VDAC2: variants seen among roughly 807,000 people sequenced by gnomAD.
The protein encoded by VDAC2 is non-selective voltage-gated ion channel VDAC2.
A neutral mutation model predicts 36.6 loss-of-function variants in VDAC2; 6 were observed. The observed-to-expected ratio is 0.16, with a 90% confidence interval of 0.09 to 0.32. VDAC2 has a LOEUF of 0.32. VDAC2 is among the 10% of genes least tolerant of loss of function. The probability of loss-of-function intolerance (pLI) is 1.00; values close to 1 mark genes in which losing one functional copy is unlikely to be tolerated. For missense variants in VDAC2, 247 were observed against 346.0 expected (o/e 0.71, Z 2.27); for synonymous variants, 109 against 123.8 (o/e 0.88, Z 0.79).
At chr10:75,221,123 G>A (rs1299589370) in intron 7 of VDAC2, 153 bp downstream of exon 7, 1 of 728,086 alleles carries the variant, frequency 1.4e-6, no homozygotes, top group African/African-American at 1.8e-5. Flanking sequence ...CCCCTTGAAA[G>A]TTTATAGTAG....
intron 2 of VDAC2, chr10:75,211,754 C>A: frequency 1.4e-6 from 2 of 1,440,082 alleles, no homozygotes; most frequent in Non-Finnish European, 1.9e-6. Context: ...ATTTAAATTC[C>A]CAGTATTAAA....
chr10:75,210,794 G>A (rs1841383314), upstream of VDAC2: 2 of 205,502 alleles, frequency 9.7e-6, no homozygotes, highest in African/African-American at 2.3e-5. Flanking sequence ...GTCCTGTCTG[G>A]GAGAGGACAG....
Position 75,211,118 on chromosome 10 carries a change from C to A in VDAC2, c.-25-16C>A. 6.2e-7 allele frequency: 1 copy of A among 1,602,804 alleles called. No homozygotes were observed. The highest frequency in any genetic ancestry group is 1.1e-5 in the South Asian group (1 of 89,324). Reference sequence around the variant, plus strand: ...CCTTTGACCCCAGCTTACCGCACTTCTTGTCCCTCCCGCAGATTCCCCTCT... The same window carrying A: ...CCTTTGACCCCAGCTTACCGCACTTATTGTCCCTCCCGCAGATTCCCCTCT... On this transcript the variant is annotated splice_polypyrimidine_tract_variant and intron_variant, in intron 1 of 9. Coordinates refer to ENST00000332211, the MANE Select transcript of VDAC2 (RefSeq NM_001391963.1).
At chr10:75,225,077 C>T (rs2132276367) in intron 8 of VDAC2, among the ~76,000 whole-genome samples, 1 of 152,260 alleles carries the variant, frequency 6.6e-6, no homozygotes, top group East Asian at 1.9e-4. Context: ...TCTTATAATA[C>T]TGATTGATGA....
chr10:75,230,349 T>C (rs1351575524), intron 9 of VDAC2, among the ~76,000 whole-genome samples: 1 of 152,222 alleles, frequency 6.6e-6, no homozygotes, highest in Non-Finnish European at 1.5e-5. Context: ...ATTATTAACA[T>C]TTACTACATT....
chr10:75,227,886 C>A (rs113506165), intron 8 of VDAC2, among the ~76,000 whole-genome samples: 11,242 of 147,516 alleles, frequency 0.076, 579 homozygotes, highest in African/African-American at 0.14. Context: ...ATGGGAATTT[C>A]TTTCTTTCTT....
intron 8 of VDAC2, among the ~76,000 whole-genome samples, chr10:75,223,449 C>T (rs1176264224): frequency 1.3e-5 from 2 of 152,138 alleles, no homozygotes; most frequent in African/African-American, 4.8e-5. Context: ...AATGGGAAGG[C>T]AGCTTGGGAC....
At chr10:75,215,195 T>G (rs1002682993) in intron 4 of VDAC2, among the ~76,000 whole-genome samples, 1 of 152,320 alleles carries the variant, frequency 6.6e-6, no homozygotes, top group Non-Finnish European at 1.5e-5. Flanking sequence ...ATTACAGATG[T>G]GAGCCACCAT....
At chr10:75,228,553 C>A (rs778660592) in intron 8 of VDAC2, among the ~76,000 whole-genome samples, 1 of 152,202 alleles carries the variant, frequency 6.6e-6, no homozygotes, top group Non-Finnish European at 1.5e-5. Context: ...CTGCGCCAGG[C>A]CTGTTTTTTT....
intron 6 of VDAC2, among the ~76,000 whole-genome samples, chr10:75,219,657 G>T (rs538987418): frequency 1.3e-5 from 2 of 151,264 alleles, no homozygotes; most frequent in Non-Finnish European, 2.9e-5. Context: ...GCTAATTTTT[G>T]TATTTTTAGT....
chr10:75,211,608 T>C (rs1222733789), intron 2 of VDAC2: 1 of 1,550,590 alleles, frequency 6.4e-7, no homozygotes, highest in Non-Finnish European at 8.7e-7. Context: ...TGAGCTCAGA[T>C]TGCCTGCCCT....
In VDAC2 at chr10:75,213,369, C is replaced by T. The variant is rs533674600; in HGVS notation, c.101-652C>T. On this transcript the variant is annotated intron_variant, in intron 3 of 9. Coordinates refer to ENST00000332211, the MANE Select transcript of VDAC2 (RefSeq NM_001391963.1). ...TGCTAGGATTTCAGGCGTGGGCCAC[C>T]GCACCTGGCCATATCATGATAAGTT... Among the ~76,000 whole-genome samples, 7 of 152,222 alleles carry T rather than the reference C, an allele frequency of 4.6e-5. No individual in the cohort carries two copies. The East Asian group carries it at 5.8e-4, about 13-fold the overall frequency.
chr10:75,218,180 A>G (rs1841665342), intron 4 of VDAC2: 1 of 340,780 alleles, frequency 2.9e-6, no homozygotes, highest in South Asian at 2.2e-5. Context: ...ATTTTTAGAC[A>G]GGGTCTCACT....
chr10:75,213,464 G>A (rs939931482), intron 3 of VDAC2, among the ~76,000 whole-genome samples: 2 of 152,148 alleles, frequency 1.3e-5, no homozygotes, highest in African/African-American at 4.8e-5. Context: ...TAGTTTGGGG[G>A]CTGGGCGTGG....
chr10:75,223,987 A>G (rs1236893187), intron 8 of VDAC2, among the ~76,000 whole-genome samples: 4 of 152,224 alleles, frequency 2.6e-5, no homozygotes, highest in African/African-American at 9.6e-5. Flanking sequence ...CCTTTGTAAT[A>G]TCCTTTATTA....
Position 75,211,147 on chromosome 10 carries a change from C to T in VDAC2, c.-12C>T, listed in dbSNP as rs763028522. 3 of 1,611,634 alleles carry T rather than the reference C, an allele frequency of 1.9e-6. No individual in the cohort carries two copies. Among genetic ancestry groups the T allele is most frequent in the Non-Finnish European group, 1.7e-6 (2 of 1,178,906 alleles). ...TCCCTCCCGCAGATTCCCCTCTTCCCGCGGCCTCGCCATGGCGACCCACGG... is the reference window on the plus strand; with the variant it reads ...TCCCTCCCGCAGATTCCCCTCTTCCTGCGGCCTCGCCATGGCGACCCACGG... On this transcript the variant is annotated 5_prime_UTR_variant, in exon 2 of 10. Transcript: ENST00000332211.
intron 2 of VDAC2, 105 bp downstream of exon 2, chr10:75,211,294 C>G: frequency 6.6e-7 from 1 of 1,506,004 alleles, no homozygotes; most frequent in East Asian, 2.4e-5. Flanking sequence ...CTTGGAAATT[C>G]GGCTGCTTTT....
chr10:75,217,834 G>T, intron 4 of VDAC2: 1 of 1,089,824 alleles, frequency 9.2e-7, no homozygotes, highest in Non-Finnish European at 1.2e-6. Context: ...CTGAGAGAAG[G>T]TTGACTGGCC....
chr10:75,230,834 C>G (rs1842079702), intron 9 of VDAC2, 64 bp from the exon 10 acceptor site: 3 of 1,434,118 alleles, frequency 2.1e-6, no homozygotes, highest in Non-Finnish European at 2.9e-6. Context: ...GAAAGAAGGC[C>G]CAGACTGAGT....
Sources: gnomAD v4.1 joint callset for allele counts (sites outside exome capture counted in the v4.1 genomes callset) on GRCh38, gnomAD v4.1.1 for gene constraint, MANE v1.5 for transcripts, NCBI Gene and HGNC (gene_info 2026-07-23, HGNC 2026-07-21) for gene names.